The following CTNNA3 variants were observed in gnomAD, a reference collection of about 807,000 sequenced individuals.
CTNNA3 encodes catenin alpha-3.
A neutral mutation model predicts 95.7 loss-of-function variants in CTNNA3; 76 were observed. The observed-to-expected ratio is 0.79, with a 90% CI of 0.66 to 0.96. The LOEUF (loss-of-function observed/expected upper bound fraction) is 0.96, where lower values mean the gene tolerates loss of function less well. Ranked by LOEUF, CTNNA3 falls within the 40% of genes least tolerant of loss-of-function variation. The pLI, the probability that CTNNA3 is intolerant of heterozygous loss-of-function variation, is 0.00. For missense variants in CTNNA3, 1,191 were observed against 1,089.8 expected, an observed-to-expected ratio of 1.09 and a Z score of -1.31; for synonymous variants, 431 against 374.4, an observed-to-expected ratio of 1.15 and a Z score of -1.74.
chr10:67,582,156 T>G (rs1842427282), intron 3 of CTNNA3, among the ~76,000 whole-genome samples: 1 of 142,026 alleles, frequency 7.0e-6, no homozygotes, highest in African/African-American at 2.6e-5. Flanking sequence ...GATGTTAGGG[T>G]GTCAATTTTA....
chr10:66,957,421 TATATATGC>T (rs1312087248), intron 7 of CTNNA3, among the ~76,000 whole-genome samples: 5 of 28,896 alleles, frequency 1.7e-4, no homozygotes, highest in East Asian at 1.7e-3. Flanking sequence ...TATGCATATA[TATATATGC>T]ATATATATAT....
chr10:65,939,909 A>G (rs1237959009), intron 17 of CTNNA3, among the ~76,000 whole-genome samples: 1 of 152,196 alleles, frequency 6.6e-6, no homozygotes, highest in East Asian at 1.9e-4. Flanking sequence ...ATTAATAAAG[A>G]GGATAATATG....
chr10:66,558,681 A>G (rs1194538552), intron 10 of CTNNA3, among the ~76,000 whole-genome samples: 1 of 152,122 alleles, frequency 6.6e-6, no homozygotes, highest in African/African-American at 2.4e-5. Context: ...TTGGAATAAG[A>G]TAGATAAATA....
chr10:66,686,607 G>A (rs10733825), intron 9 of CTNNA3, among the ~76,000 whole-genome samples: 141,033 of 152,228 alleles, frequency 0.93, 65,499 homozygotes, highest in East Asian at 1. Flanking sequence ...CTTTGAACCA[G>A]TGATTGCAGA....
chr10:66,719,459 T>G (rs71496003), intron 9 of CTNNA3, among the ~76,000 whole-genome samples: 3,633 of 152,262 alleles, frequency 0.024, 182 homozygotes, highest in East Asian at 0.22. Flanking sequence ...AACAAACTAA[T>G]GAGCAAACAA....
At chr10:66,472,060 C>T (rs1281869268) in intron 11 of CTNNA3, among the ~76,000 whole-genome samples, 1 of 151,906 alleles carries the variant, frequency 6.6e-6, no homozygotes, top group East Asian at 1.9e-4. Context: ...TTGAAAGCAT[C>T]CTCCCTGGGC....
At chr10:66,943,834 G>A (rs1300228742) in intron 7 of CTNNA3, among the ~76,000 whole-genome samples, 1 of 152,144 alleles carries the variant, frequency 6.6e-6, no homozygotes, top group Non-Finnish European at 1.5e-5. Flanking sequence ...CTGTACTGTA[G>A]TCTATTAAGT....
intron 5 of CTNNA3, among the ~76,000 whole-genome samples, chr10:67,481,156 C>T (rs1227967664): frequency 6.6e-6 from 1 of 152,032 alleles, no homozygotes; most frequent in African/African-American, 2.4e-5. Flanking sequence ...CTATGATAAA[C>T]CCATAGCCAA....
chr10:66,242,713 A>T (rs182463027), intron 13 of CTNNA3, among the ~76,000 whole-genome samples: 311 of 152,278 alleles, frequency 2.0e-3, no homozygotes, highest in African/African-American at 7.1e-3. Flanking sequence ...TTTGGAGAGG[A>T]GTTTCTTAAA....
intron 7 of CTNNA3, among the ~76,000 whole-genome samples, chr10:66,947,263 TG>T (rs1848319644): frequency 6.6e-6 from 1 of 152,198 alleles, no homozygotes; most frequent in Admixed American, 6.5e-5. Context: ...TACTCTCTAA[TG>T]GGGTATCTTG....
intron 11 of CTNNA3, among the ~76,000 whole-genome samples, chr10:66,445,712 A>G (rs7093003): frequency 0.41 from 62,068 of 151,198 alleles, 13,812 homozygotes; most frequent in East Asian, 0.61. Context: ...ATGCCCACAA[A>G]AGAAAGCAGG....
At chr10:67,023,085 A>G (rs1044346443) in intron 7 of CTNNA3, among the ~76,000 whole-genome samples, 12 of 152,346 alleles carry the variant, frequency 7.9e-5, no homozygotes, top group Admixed American at 3.3e-4. Flanking sequence ...TGAGCTATGT[A>G]TCTAATTCAA....
intron 15 of CTNNA3, among the ~76,000 whole-genome samples, chr10:66,048,647 G>A (rs1402888394): frequency 2.0e-5 from 3 of 152,102 alleles, no homozygotes. Flanking sequence ...TGTAGTCCCA[G>A]CTACTCGGGA....
At chr10:66,815,331 C>T (rs761368392) in intron 7 of CTNNA3, among the ~76,000 whole-genome samples, 57 of 152,098 alleles carry the variant, frequency 3.7e-4, no homozygotes, top group Non-Finnish European at 7.1e-4. Context: ...CTCCCTTCAT[C>T]CCCAGTTCTG....
At chr10:67,012,800 G>A (rs1852422240) in intron 7 of CTNNA3, among the ~76,000 whole-genome samples, 1 of 152,012 alleles carries the variant, frequency 6.6e-6, no homozygotes, top group Non-Finnish European at 1.5e-5. Context: ...GTTTGTTAAA[G>A]TTTTATTAAA....
chr10:66,757,162 G>T (rs577858761), intron 9 of CTNNA3, among the ~76,000 whole-genome samples: 1 of 152,232 alleles, frequency 6.6e-6, no homozygotes, highest in East Asian at 1.9e-4. Flanking sequence ...TTTCAGCACA[G>T]CCTCATGCTC....
rs535882770 is a variant in CTNNA3, at chr10:66,338,330, T to C, written c.1732+40822A>G. Among the ~76,000 whole-genome samples the C allele has an allele frequency of 2.0e-5, 3 of 152,082 alleles. No homozygotes were observed. The East Asian group carries it at 5.8e-4, about 29-fold the overall frequency. On this transcript the variant is annotated intron_variant, in intron 12 of 17. Coordinates refer to ENST00000433211, the MANE Select transcript of CTNNA3 (RefSeq NM_013266.4). ...ATTAATAGCAAATAGACATAAGAGTTCTTATTGTGGTCATGAAAATGCTCA... is the reference window on the plus strand; with the variant it reads ...ATTAATAGCAAATAGACATAAGAGTCCTTATTGTGGTCATGAAAATGCTCA...
intron 5 of CTNNA3, chr10:67,346,862 C>T: frequency 1.0e-5 from 3 of 293,752 alleles, no homozygotes; most frequent in South Asian, 8.3e-5. Flanking sequence ...CATTGTCCCT[C>T]CTGCTTGTGC....
At chr10:66,116,522 T>C (rs2082346780) in intron 13 of CTNNA3, among the ~76,000 whole-genome samples, 1 of 151,478 alleles carries the variant, frequency 6.6e-6, no homozygotes, top group Non-Finnish European at 1.5e-5. Flanking sequence ...GGTATGCCCA[T>C]TTAATGAAAT....
Sources: gnomAD v4.1 joint callset for allele counts (sites outside exome capture counted in the v4.1 genomes callset) on GRCh38, gnomAD v4.1.1 for gene constraint, MANE v1.5 for transcripts, NCBI Gene and HGNC (gene_info 2026-07-23, HGNC 2026-07-21) for gene names.